COPB1: variants seen among roughly 807,000 people sequenced by gnomAD.
COPB1 encodes the protein coat protein complex I subunit beta 1, also known as coatomer subunit beta.
Under a neutral mutation model 108.7 loss-of-function variants are expected in COPB1, and 21 were observed. The observed-to-expected ratio is 0.19, with a 90% CI of 0.14 to 0.28. The LOEUF is 0.28. Among genes scored for constraint, COPB1 ranks in the 10% least tolerant of loss-of-function variants. The pLI is 1.00. For missense variants in COPB1, 919 were observed against 1,141.3 expected, an observed-to-expected ratio of 0.81 and a Z score of 2.81; for synonymous variants, 378 against 386.8, an observed-to-expected ratio of 0.98 and a Z score of 0.27.
chr11:14,466,692 T>C (rs1387302266), intron 16 of COPB1, among the ~76,000 whole-genome samples: 1 of 152,234 alleles, frequency 6.6e-6, no homozygotes, highest in Non-Finnish European at 1.5e-5. Context: ...TTTTTGAGCT[T>C]ATAAGTTCAG....
At chr11:14,477,396 A>AAAAAAAAAAAAAAAAC (rs1850549364) in intron 11 of COPB1, among the ~76,000 whole-genome samples, 1 of 142,212 alleles carries the variant, frequency 7.0e-6, no homozygotes, top group Non-Finnish European at 1.5e-5. Flanking sequence ...TCTCAAAAAA[A>AAAAAAAAAAAAAAAAC]AAAAAAAAAC....
chr11:14,468,552 A>C (rs1483831574), intron 16 of COPB1, 129 bp downstream of exon 16: 1 of 817,344 alleles, frequency 1.2e-6, no homozygotes, highest in African/African-American at 1.7e-5. Context: ...TCTGAGTTTC[A>C]ACTGAGGTTT....
At chr11:14,494,016 T>C (rs1850966210) in intron 3 of COPB1, among the ~76,000 whole-genome samples, 194 bp downstream of exon 3, 1 of 152,196 alleles carries the variant, frequency 6.6e-6, no homozygotes, top group African/African-American at 2.4e-5. Flanking sequence ...TTAATTAATA[T>C]ATACACATAA....
chr11:14,470,313 C>T (rs1042778798), intron 14 of COPB1, among the ~76,000 whole-genome samples: 1 of 152,154 alleles, frequency 6.6e-6, no homozygotes, highest in African/African-American at 2.4e-5. Context: ...TTTTGTATTT[C>T]ACCCTGTACT....
chr11:14,463,322 A>G (rs1463431771), intron 18 of COPB1, among the ~76,000 whole-genome samples: 1 of 151,742 alleles, frequency 6.6e-6, no homozygotes, highest in Non-Finnish European at 1.5e-5. Flanking sequence ...ATTTTTACTT[A>G]TTTATTTATT....
intron 14 of COPB1, among the ~76,000 whole-genome samples, chr11:14,473,183 C>T (rs1242141206): frequency 6.6e-6 from 1 of 152,136 alleles, no homozygotes; most frequent in African/African-American, 2.4e-5. Context: ...CCATGTTGGC[C>T]AGGCTGGTCT....
intron 18 of COPB1, among the ~76,000 whole-genome samples, chr11:14,463,533 G>A (rs553505580): frequency 9.2e-5 from 14 of 152,274 alleles, no homozygotes; most frequent in African/African-American, 3.1e-4. Context: ...GGCCAGGCTG[G>A]TCTTGAGAAC....
intron 2 of COPB1, among the ~76,000 whole-genome samples, chr11:14,498,249 T>A (rs1396192429): frequency 6.6e-6 from 1 of 152,248 alleles, no homozygotes; most frequent in African/African-American, 2.4e-5. Context: ...ATGTATTGCA[T>A]GCCTGTATCA....
intron 13 of COPB1, among the ~76,000 whole-genome samples, chr11:14,475,025 G>C (rs1348251886): frequency 1.4e-5 from 2 of 145,556 alleles, no homozygotes; most frequent in Non-Finnish European, 3.0e-5. Context: ...GAGCCCAGGA[G>C]ACAGGTTGCA....
intron 2 of COPB1, among the ~76,000 whole-genome samples, chr11:14,495,173 C>A (rs1850990384): frequency 1.3e-5 from 2 of 152,184 alleles, no homozygotes; most frequent in Non-Finnish European, 2.9e-5. Context: ...AAATTTCACA[C>A]CATTATCATT....
chr11:14,484,693 G>A (rs1850733162), intron 7 of COPB1, among the ~76,000 whole-genome samples: 1 of 152,186 alleles, frequency 6.6e-6, no homozygotes, highest in South Asian at 2.1e-4. Flanking sequence ...CTTCCAACCT[G>A]AGCGACGGAG....
rs540917268 is a variant in COPB1, at chr11:14,462,560, C to A, written c.2411-1229G>T. On this transcript the variant is annotated intron_variant, in intron 18 of 21. Transcript: ENST00000439561. ...AGGCTCTTTTCTTGACATTCTTCCA[C>A]TCTTTCAACTTTCAGGGAAAACTGA... 2.0e-5 allele frequency among the ~76,000 whole-genome samples: 3 copies of A among 152,278 alleles called. No individual in the cohort carries two copies. The South Asian group carries it at 6.2e-4, about 32-fold the overall frequency.
intron 12 of COPB1, among the ~76,000 whole-genome samples, chr11:14,476,177 C>T (rs186382074): frequency 8.2e-4 from 125 of 152,212 alleles, no homozygotes; most frequent in Middle Eastern, 3.4e-3. Flanking sequence ...CTACTTTGGA[C>T]CTCAGTTTCT....
At chr11:14,490,736 T>A (rs1850880025) in intron 4 of COPB1, 57 bp from the exon 5 acceptor site, 1 of 949,146 alleles carries the variant, frequency 1.1e-6, no homozygotes, top group African/African-American at 1.7e-5. Context: ...ACTATTTTAG[T>A]AACTCTCTGG....
At position 14,480,767 on chromosome 11, in the gene COPB1, T is replaced by A; in HGVS notation, c.1204A>T (p.Ile402Phe). The change falls in exon 10 of 22, where the codon ATT becomes TTT. Residue 402 changes from isoleucine to phenylalanine, a missense_variant. This residue lies in a region of COPB1 where 705 missense variants were observed against 817.8 expected (regional missense o/e 0.86). Coordinates refer to ENST00000439561, the MANE Select transcript of COPB1 (RefSeq NM_001144061.2). ...TCATCAGAATTACATACCACAGGAATAACATTTGCAGCCATATCTGGAAAT... is the reference window on the plus strand; with the variant it reads ...TCATCAGAATTACATACCACAGGAAAAACATTTGCAGCCATATCTGGAAAT... ...VRFPDMAANV[I>F]PVLMEFLSDN... is the part of the protein sequence containing the mutation. 1 of 1,613,124 alleles carries A rather than the reference T, an allele frequency of 6.2e-7. No individual in the cohort carries two copies. The highest frequency in any genetic ancestry group is 1.1e-5 in the South Asian group (1 of 90,644).
At chr11:14,491,918 C>G (rs1565024114) in intron 4 of COPB1, among the ~76,000 whole-genome samples, 1 of 152,170 alleles carries the variant, frequency 6.6e-6, no homozygotes, top group African/African-American at 2.4e-5. Context: ...TGCTTACTGA[C>G]TTGCCTCTTC....
At chr11:14,483,652 A>G (rs1208643437) in intron 7 of COPB1, among the ~76,000 whole-genome samples, 5 of 152,174 alleles carry the variant, frequency 3.3e-5, no homozygotes, top group African/African-American at 1.2e-4. Flanking sequence ...AAAAATGTGT[A>G]AAGTATTTTA....
At chr11:14,459,491 A>G (rs1850098211) in intron 20 of COPB1, among the ~76,000 whole-genome samples, 1 of 152,172 alleles carries the variant, frequency 6.6e-6, no homozygotes, top group Admixed American at 6.6e-5. Context: ...TTTCATACAT[A>G]CACAAACATA....
At chr11:14,497,220 A>G (rs1037096252) in intron 2 of COPB1, among the ~76,000 whole-genome samples, 2 of 152,184 alleles carry the variant, frequency 1.3e-5, no homozygotes, top group African/African-American at 4.8e-5. Flanking sequence ...GCTTCCGCAC[A>G]GCAAAGGAAA....
Sources: allele counts gnomAD v4.1 joint callset (sites outside exome capture counted in the v4.1 genomes callset), GRCh38; gene constraint gnomAD v4.1.1; regional missense constraint gnomAD v4.1.1; transcripts MANE v1.5; gene names NCBI Gene and HGNC (gene_info 2026-07-23, HGNC 2026-07-21).